ICAM5: variants seen among roughly 807,000 people sequenced by gnomAD.
ICAM5 encodes the protein ICAM-5.
ICAM5 carries 38 observed loss-of-function variants against 78.8 expected under a neutral mutation model. The ratio of observed to expected loss-of-function variants is 0.48; its 90% CI spans 0.37 to 0.63. The LOEUF is 0.63. Among genes scored for constraint, ICAM5 ranks in the 30% least tolerant of loss-of-function variants. The pLI, the probability that ICAM5 is intolerant of heterozygous loss-of-function variation, is 0.00. For missense variants in ICAM5, 1,059 were observed against 1,303.0 expected (o/e 0.81, Z 2.88); for synonymous variants, 544 against 590.9 (o/e 0.92, Z 1.15).
At position 10,293,280 on chromosome 19, in the gene ICAM5, G is replaced by A. The variant is rs1384180401; in HGVS notation, c.1465+34G>A. On this transcript the variant is annotated intron_variant, in intron 6 of 10. Transcript: ENST00000221980. The surrounding 1 kb of genome is among the most constrained non-coding windows in gnomAD (Gnocchi z 5.0). Reference sequence around the variant, plus strand: ...GGGTGCGCAGGGTGCATTTCTATCTGGTTCAAGGTCTGGAGGGTGGCCAGC... The same window carrying A: ...GGGTGCGCAGGGTGCATTTCTATCTAGTTCAAGGTCTGGAGGGTGGCCAGC... The A allele has an allele frequency of 6.5e-7, 1 of 1,541,570 alleles. No individual in the cohort carries two copies. The highest frequency in any genetic ancestry group is 2.0e-5 in the Admixed American group (1 of 50,976).
At chr19:10,291,879 TACA>T in intron 3 of ICAM5, 70 bp downstream of exon 3, 2 of 1,526,630 alleles carry the variant, frequency 1.3e-6, no homozygotes, top group Non-Finnish European at 1.8e-6. Context: ...TAGAGGTAGA[TACA>T]TCTGAATGCT....
In ICAM5 at chr19:10,294,061, C is replaced by A. The variant is rs763664362; in HGVS notation, c.1733C>A (p.Pro578Gln). 3.8e-5 allele frequency: 60 copies of A among 1,579,746 alleles called. 1 individual carries two copies. The highest frequency in any genetic ancestry group is 4.3e-6 in the Non-Finnish European group (5 of 1,161,612). The change falls in exon 8 of 11, where the codon CCG becomes CAG. Residue 578 changes from proline to glutamine, a missense_variant. Pro to Gln is a moderately conservative substitution (Grantham distance 76). This residue lies in a region of ICAM5 where 815 missense variants were observed against 952.8 expected (regional missense o/e 0.86). Transcript: ENST00000221980. The surrounding 1 kb of genome is among the most constrained non-coding windows in gnomAD (Gnocchi z 7.7). The stretch of plus-strand genomic sequence containing the variant: ...CCAGATGGCCCCAGGTTTGAGGAGC[C>A]GAGCTGCCCCAGCAATTGGACATGG... ...TVEYGPRFEE[P>Q]SCPSNWTWVE...
chr19:10,296,749 C>A lies in ICAM5; in HGVS notation c.*133C>A. On this transcript the variant is annotated 3_prime_UTR_variant, in exon 11 of 11. Coordinates refer to ENST00000221980, the MANE Select transcript of ICAM5 (RefSeq NM_003259.4). ...AAGGGCGTCACCCCCATTTTCTACCCATCCCCTCAATAAAGTTTTTATAAA... is the reference window on the plus strand; with the variant it reads ...AAGGGCGTCACCCCCATTTTCTACCAATCCCCTCAATAAAGTTTTTATAAA... 1.3e-6 allele frequency: 1 copy of A among 762,564 alleles called. No individual in the cohort carries two copies. The highest frequency in any genetic ancestry group is 1.7e-6 in the Non-Finnish European group (1 of 582,986). The allele number at this position is 762,564 out of a possible 1,614,324, so 47.2% of individuals were successfully genotyped here.
chr19:10,296,401 G>C lies in ICAM5; in HGVS notation c.2560G>C (p.Ala854Pro). ...AGGAALLAAG[A>P]GLAFYVQSTA... ...GGGCGCGGCGCTGCTGGCCGCGGGG[G>C]CCGGCCTGGCCTTCTACGTGCAGTC... Residue 854 changes from alanine to proline, a missense_variant, in exon 11 of 11, where the codon GCC becomes CCC. This residue lies in a region of ICAM5 where 109 missense variants were observed against 120.0 expected (regional missense o/e 0.91). Coordinates refer to ENST00000221980, the MANE Select transcript of ICAM5 (RefSeq NM_003259.4). The C allele has an allele frequency of 7.8e-7, 1 of 1,276,290 alleles. No homozygotes were observed. The highest frequency in any genetic ancestry group is 1.0e-6 in the Non-Finnish European group (1 of 1,002,920). The allele number at this position is 1,276,290 out of a possible 1,614,324, so 79.1% of individuals were successfully genotyped here.
rs535529666 is a variant in ICAM5, at chr19:10,290,904, T to C, written c.83-168T>C. 42 of 798,710 alleles carry C rather than the reference T, an allele frequency of 5.3e-5. No individual in the cohort carries two copies. The East Asian group carries it at 1.0e-3, about 19-fold the overall frequency. The allele number at this position is 798,710 out of a possible 1,614,324, so 49.5% of individuals were successfully genotyped here. A position where few individuals can be genotyped will look rare whatever the true frequency, so the allele number is the denominator to read the frequency against. On this transcript the variant is annotated intron_variant, in intron 1 of 10. Transcript: ENST00000221980. The surrounding 1 kb of genome is among the most constrained non-coding windows in gnomAD (Gnocchi z 5.7). Reference sequence around the variant, plus strand: ...ACCCTCGAGGTTTAGACTCTGGGAGTGCGCCTTTAAACCGGAGGCCTGGGC... The same window carrying C: ...ACCCTCGAGGTTTAGACTCTGGGAGCGCGCCTTTAAACCGGAGGCCTGGGC...
In ICAM5 at chr19:10,290,113, T is replaced by C. The variant is rs1372406189; in HGVS notation, c.70T>C (p.Phe24Leu). The change falls in exon 1 of 11, where the codon TTC becomes CTC. Residue 24 changes from phenylalanine (F) to leucine (L), a missense_variant. This residue lies in a region of ICAM5 where 815 missense variants were observed against 952.8 expected (regional missense o/e 0.86). Transcript: ENST00000221980. This position sits in a 1 kb window ranked among gnomAD's most constrained non-coding sequence, Gnocchi z 5.7. ...CTGGGCTGCTCTGGGCCTGGGGCTCTTCGGCCTCTCAGGTAAGAGCCCCGC... is the reference window on the plus strand; with the variant it reads ...CTGGGCTGCTCTGGGCCTGGGGCTCCTCGGCCTCTCAGGTAAGAGCCCCGC... Reference protein sequence around the residue: ...GLWAALGLGLFGLSAVSQEPF... With the variant: ...GLWAALGLGLLGLSAVSQEPF... 1 of 1,532,254 alleles carries C rather than the reference T, an allele frequency of 6.5e-7. No individual in the cohort carries two copies. 94.9% of individuals were successfully genotyped at this position (1,532,254 alleles called of 1,614,324 possible). A position where few individuals can be genotyped will look rare whatever the true frequency, so the allele number is the denominator to read the frequency against.
Position 10,292,089 on chromosome 19 carries a change from C to T in ICAM5, c.728C>T (p.Ser243Leu), listed in dbSNP as rs758190772. The T allele has an allele frequency of 4.3e-6, 7 of 1,612,982 alleles. No individual in the cohort carries two copies. The highest frequency in any genetic ancestry group is 1.7e-5 in the Admixed American group (1 of 60,026). Residue 243 changes from serine to leucine, a missense_variant, in exon 4 of 11, where the codon TCG (serine) becomes TTG (leucine). Ser to Leu is a moderately radical substitution (Grantham distance 145). Transcript: ENST00000221980. ...GCTCCCCGGCTCTTGGAAGTTGGCT[C>T]GGAAAGGCCCGTGAGCTGCACTCTG... The part of the protein sequence containing the change: ...LAAPRLLEVG[S>L]ERPVSCTLDG...
chr19:10,292,494 C>A, intron 4 of ICAM5, 118 bp from the exon 5 acceptor site: 2 of 1,419,924 alleles, frequency 1.4e-6, no homozygotes, highest in Non-Finnish European at 1.9e-6. Context: ...GCCTGAGAGG[C>A]GGGGCGCCGT....
Position 10,291,568 on chromosome 19 carries a change from C to A in ICAM5, c.432C>A (p.Val144=). 2 of 1,612,486 alleles carry A rather than the reference C, an allele frequency of 1.2e-6. No homozygotes were observed. The highest frequency in any genetic ancestry group is 1.7e-6 in the Non-Finnish European group (2 of 1,179,892). The part of the protein sequence containing the change: ...VGENFTLSCR[V]PGAGPRASLT... ...AGAACTTCACCCTGAGCTGTAGGGT[C>A]CCCGGCGCCGGGCCCCGTGCGAGCC... The change falls in exon 3 of 11, where the codon GTC becomes GTA. Residue 144 remains valine (V), a synonymous_variant. Coordinates refer to ENST00000221980, the MANE Select transcript of ICAM5 (RefSeq NM_003259.4).
rs2040166978 is a variant in ICAM5, at chr19:10,291,054, C to T, written c.83-18C>T. On this transcript the variant is annotated intron_variant, in intron 1 of 10. Transcript: ENST00000221980. ...AGGGAGTTGGCTCCCCAGGCTCAGC[C>T]CGCGTTTCCCTGGGCAGCGGTCTCG... 1.3e-6 allele frequency: 2 copies of T among 1,596,208 alleles called. No homozygotes were observed. Among genetic ancestry groups the T allele is most frequent in the African/African-American group, 1.3e-5 (1 of 74,734 alleles).
chr19:10,292,743 C>T lies in ICAM5; in HGVS notation c.1093C>T (p.Pro365Ser), dbSNP rs2040185100. ...AGTTCCAGCCGCGGTCCCGGGGCAG[C>T]CCGCCCAGCTTCAGCTAAATGCCAC... ...EGVPAAVPGQPAQLQLNATEN... is the reference protein window; with the variant it reads ...EGVPAAVPGQSAQLQLNATEN... The change falls in exon 5 of 11, where the codon CCC (proline) becomes TCC (serine). Residue 365 changes from proline (P) to serine (S), a missense_variant. Pro to Ser is a moderately conservative substitution (Grantham distance 74). Around this residue, in one of 3 missense-constraint regions of ICAM5, gnomAD observed 815 missense variants for 952.8 expected, o/e 0.86. Transcript: ENST00000221980. 1.9e-6 allele frequency: 3 copies of T among 1,613,322 alleles called. No individual in the cohort carries two copies. In the South Asian group the frequency reaches 3.3e-5, roughly 18 times the overall value.
Position 10,290,227 on chromosome 19 carries a change from C to A in ICAM5, c.82+102C>A. The stretch of plus-strand genomic sequence containing the variant: ...TCCCAGCTCTGCCCTCGCCTCGCTC[C>A]CACGCCTCTGCCCCCACCTCGAGCC... On this transcript the variant is annotated intron_variant, in intron 1 of 10. Transcript: ENST00000221980. The surrounding 1 kb of genome is among the most constrained non-coding windows in gnomAD (Gnocchi z 5.7). 1.2e-6 allele frequency: 1 copy of A among 849,282 alleles called. No homozygotes were observed. The highest frequency in any genetic ancestry group is 1.9e-5 in the South Asian group (1 of 53,900). The allele number at this position is 849,282 out of a possible 1,614,324, so 52.6% of individuals were successfully genotyped here.
At position 10,291,335 on chromosome 19, in the gene ICAM5, A is replaced by G; in HGVS notation, c.346A>G (p.Thr116Ala). The G allele has an allele frequency of 6.2e-7, 1 of 1,607,298 alleles. No individual in the cohort carries two copies. Among genetic ancestry groups the G allele is most frequent in the Non-Finnish European group, 8.5e-7 (1 of 1,175,812 alleles). ...ACTACAGGCGCGTGGGCTCATTCGC[A>G]CTTTCCGTGAGTTCTGGGTGGCCAC... ...RTLQARGLIR[T>A]FQRPDRVELM... is the part of the protein sequence containing the mutation. The change falls in exon 2 of 11, where the codon ACT becomes GCT. Residue 116 changes from threonine (T) to alanine (A), a missense_variant. By Grantham distance (58) the Thr-to-Ala change is moderately conservative. Around this residue, in one of 3 missense-constraint regions of ICAM5, gnomAD observed 815 missense variants for 952.8 expected, o/e 0.86. Coordinates refer to ENST00000221980, the MANE Select transcript of ICAM5 (RefSeq NM_003259.4).
At position 10,290,193 on chromosome 19, in the gene ICAM5, T is replaced by C. The variant is rs926106984; in HGVS notation, c.82+68T>C. On this transcript the variant is annotated intron_variant, in intron 1 of 10. Coordinates refer to ENST00000221980, the MANE Select transcript of ICAM5 (RefSeq NM_003259.4). This position sits in a 1 kb window ranked among gnomAD's most constrained non-coding sequence, Gnocchi z 5.7. ...GAGTCCCTGGACCTGAGAAACGGCC[T>C]CCTGTCCCTCCCAGCTCTGCCCTCG... 1.6e-5 allele frequency: 19 copies of C among 1,191,990 alleles called. No individual in the cohort carries two copies. Among genetic ancestry groups the C allele is most frequent in the Non-Finnish European group, 2.2e-5 (19 of 875,306 alleles). 73.8% of individuals were successfully genotyped at this position (1,191,990 alleles called of 1,614,324 possible).
At position 10,294,513 on chromosome 19, in the gene ICAM5, C is replaced by A. The variant is rs1306435650; in HGVS notation, c.2103C>A (p.Arg701=). 3 of 1,609,392 alleles carry A rather than the reference C, an allele frequency of 1.9e-6. No individual in the cohort carries two copies. Among genetic ancestry groups the A allele is most frequent in the Admixed American group, 3.3e-5 (2 of 59,830 alleles). Residue 701 remains arginine, a synonymous_variant, in exon 9 of 11, where the codon CGC becomes CGA. Transcript: ENST00000221980. The surrounding 1 kb of genome is among the most constrained non-coding windows in gnomAD (Gnocchi z 7.7). ...GGGGTCGCCCTTCCCCAGGAGTGCG[C>A]TGCTCTCGGGAAGGCATCCCATGGC... The part of the protein sequence containing the change: ...AARGRPSPGV[R]CSREGIPWPE...
Position 10,296,717 on chromosome 19 carries a change from C to A in ICAM5, c.*101C>A. 7.7e-6 allele frequency: 8 copies of A among 1,044,466 alleles called. No individual in the cohort carries two copies. Among genetic ancestry groups the A allele is most frequent in the Non-Finnish European group, 9.5e-6 (8 of 839,512 alleles). 64.7% of individuals were successfully genotyped at this position (1,044,466 alleles called of 1,614,324 possible). A position where few individuals can be genotyped will look rare whatever the true frequency, so the allele number is the denominator to read the frequency against. On this transcript the variant is annotated 3_prime_UTR_variant, in exon 11 of 11. Coordinates refer to ENST00000221980, the MANE Select transcript of ICAM5 (RefSeq NM_003259.4). ...TTACTTATTCATTTATTTATGTATT[C>A]AACTCCAAGGGCGTCACCCCCATTT...
Position 10,296,372 on chromosome 19 carries a change from C to CG in ICAM5, c.2537dup (p.Ala847ArgfsTer128). The CG allele has an allele frequency of 8.0e-7, 1 of 1,253,990 alleles. No homozygotes were observed. The highest frequency in any genetic ancestry group is 1.0e-6 in the Non-Finnish European group (1 of 991,808). The allele number at this position is 1,253,990 out of a possible 1,614,324, so 77.7% of individuals were successfully genotyped here. On this transcript the variant is annotated frameshift_variant, in exon 11 of 11. Transcript: ENST00000221980. LOFTEE classifies it high-confidence loss of function. ...CTATGGGTCGCCGTGGGCGGCGCGGCGGGGGGCGCGGCGCTGCTGGCCGCG... is the reference window on the plus strand; with the variant it reads ...CTATGGGTCGCCGTGGGCGGCGCGGCGGGGGGGCGCGGCGCTGCTGGCCGCG...
chr19:10,291,132 G>A lies in ICAM5; in HGVS notation c.143G>A (p.Gly48Glu). 1.2e-6 allele frequency: 2 copies of A among 1,612,276 alleles called. No homozygotes were observed. The highest frequency in any genetic ancestry group is 1.7e-6 in the Non-Finnish European group (2 of 1,179,746). The change falls in exon 2 of 11, where the codon GGG becomes GAG. Residue 48 changes from glycine (G) to glutamate (E), a missense_variant. By Grantham distance (98) the Gly-to-Glu change is moderately conservative. Around this residue, in one of 3 missense-constraint regions of ICAM5, gnomAD observed 815 missense variants for 952.8 expected, o/e 0.86. Coordinates refer to ENST00000221980, the MANE Select transcript of ICAM5 (RefSeq NM_003259.4). Reference protein sequence around the residue: ...LQPRVAFVERGGSLWLNCSTN... With the variant: ...LQPRVAFVEREGSLWLNCSTN... ...CCTCGCGTGGCGTTCGTGGAGCGCG[G>A]GGGCTCGCTGTGGCTGAATTGCAGC...
At chr19:10,296,306 T>G (rs2040219649) in intron 10 of ICAM5, 33 bp from the exon 11 acceptor site, 1 of 1,227,550 alleles carries the variant, frequency 8.1e-7, no homozygotes, top group Non-Finnish European at 1.0e-6. Flanking sequence ...CCCCGGAGCT[T>G]GGCCACCCTC....
Sources: gnomAD v4.1 joint callset for allele counts on GRCh38, gnomAD v4.1.1 for gene constraint, gnomAD v4.1.1 regional missense constraint, Gnocchi (gnomAD v3.1) non-coding constraint, MANE v1.5 for transcripts, NCBI Gene and HGNC (gene_info 2026-07-23, HGNC 2026-07-21) for gene names.